The following NUDT18 variants were observed in gnomAD, a reference collection of about 807,000 sequenced individuals.
The protein encoded by NUDT18 is nudix hydrolase 18, also known as 8-oxo-dGDP phosphatase NUDT18.
In NUDT18, 26 loss-of-function variants were observed where a neutral mutation model predicts 27.6. The observed-to-expected ratio is 0.94, with a 90% CI of 0.69 to 1.31. The LOEUF (loss-of-function observed/expected upper bound fraction) is 1.31, where lower values mean the gene tolerates loss of function less well. Ranked by LOEUF, NUDT18 falls within the 50% of genes most tolerant of loss-of-function variation. NUDT18 has a pLI of 0.00. For missense variants in NUDT18, 450 were observed against 433.4 expected, an observed-to-expected ratio of 1.04 and a Z score of -0.34; for synonymous variants, 220 against 196.9, an observed-to-expected ratio of 1.12 and a Z score of -0.98.
intron 1 of NUDT18, among the ~76,000 whole-genome samples, chr8:22,108,895 A>C (rs548778874): frequency 1.2e-4 from 18 of 152,304 alleles, no homozygotes; most frequent in Non-Finnish European, 2.2e-4. Context: ...GCACTCCGCT[A>C]GACTCTGGGG....
chr8:22,108,600 G>C (rs1319168976), intron 1 of NUDT18, among the ~76,000 whole-genome samples: 2 of 152,264 alleles, frequency 1.3e-5, no homozygotes, highest in African/African-American at 2.4e-5. Context: ...AGGGGCTGGA[G>C]ATGAGGCCCC....
In NUDT18 at chr8:22,108,222, GCCT is replaced by G; in HGVS notation, c.284_286del (p.Glu95del). 3.8e-6 allele frequency: 6 copies of G among 1,596,476 alleles called. No homozygotes were observed. Among genetic ancestry groups the G allele is most frequent in the Non-Finnish European group, 5.1e-6 (6 of 1,172,336 alleles). ...TGTCTCGGGCTCACAGTGCAGCCCC[GCCT>G]CCTCCTTCACCTCCCGCTGCAGCGC... On this transcript the variant is annotated inframe_deletion, in exon 2 of 3. Coordinates refer to ENST00000611621, the MANE Select transcript of NUDT18 (RefSeq NM_024815.4).
At position 22,109,302 on chromosome 8, in the gene NUDT18, G is replaced by A; in HGVS notation, c.-2C>T. ...CCCCGCCAGGCCCTCCGAGGCCATC[G>A]GGTCCCCCGGGGGGCGGCGGGCCGG... On this transcript the variant is annotated 5_prime_UTR_variant, in exon 1 of 3. Coordinates refer to ENST00000611621, the MANE Select transcript of NUDT18 (RefSeq NM_024815.4). The A allele has an allele frequency of 7.4e-7, 1 of 1,347,838 alleles. No individual in the cohort carries two copies. The highest frequency in any genetic ancestry group is 9.4e-7 in the Non-Finnish European group (1 of 1,058,568). The allele number at this position is 1,347,838 out of a possible 1,614,324, so 83.5% of individuals were successfully genotyped here. A position where few individuals can be genotyped will look rare whatever the true frequency, so the allele number is the denominator to read the frequency against.
In NUDT18 at chr8:22,109,376, A is replaced by G. The variant is rs565265050; in HGVS notation, c.-76T>C. 9.2e-6 allele frequency: 12 copies of G among 1,307,262 alleles called. No individual in the cohort carries two copies. Among genetic ancestry groups the G allele is most frequent in the South Asian group, 2.0e-5 (1 of 51,164 alleles). 81.0% of individuals were successfully genotyped at this position (1,307,262 alleles called of 1,614,324 possible). On this transcript the variant is annotated 5_prime_UTR_variant, in exon 1 of 3. Coordinates refer to ENST00000611621, the MANE Select transcript of NUDT18 (RefSeq NM_024815.4). ...AGCCGCGGGCTAGAGTGCGCTGCGG[A>G]GCCCGCTCCCAGTCCCTGCGGCAGC... is the stretch of plus-strand genomic sequence containing the variant.
Position 22,108,171 on chromosome 8 carries a change from G to A in NUDT18, c.338C>T (p.Pro113Leu). 6.4e-7 allele frequency: 1 copy of A among 1,561,982 alleles called. No individual in the cohort carries two copies. Among genetic ancestry groups the A allele is most frequent in the East Asian group, 2.3e-5 (1 of 43,506 alleles). Residue 113 changes from proline to leucine, a missense_variant, in exon 2 of 3, where the codon CCC becomes CTC. By Grantham distance (98) the Pro-to-Leu change is moderately conservative. Transcript: ENST00000611621. ...ETLLSVEERG[P>L]SWVRFVFLAR... ...GAGGAACACGAAGCGGACCCAGGAGGGGCCCCGCTCCTCCACGGACAGCAG... is the reference window on the plus strand; with the variant it reads ...GAGGAACACGAAGCGGACCCAGGAGAGGCCCCGCTCCTCCACGGACAGCAG...
chr8:22,109,376 A>C lies in NUDT18; in HGVS notation c.-76T>G, dbSNP rs565265050. On this transcript the variant is annotated 5_prime_UTR_variant, in exon 1 of 3. Transcript: ENST00000611621. Reference sequence around the variant, plus strand: ...AGCCGCGGGCTAGAGTGCGCTGCGGAGCCCGCTCCCAGTCCCTGCGGCAGC... The same window carrying C: ...AGCCGCGGGCTAGAGTGCGCTGCGGCGCCCGCTCCCAGTCCCTGCGGCAGC... 39 of 1,307,218 alleles carry C rather than the reference A, an allele frequency of 3.0e-5. No homozygotes were observed. Among genetic ancestry groups the C allele is most frequent in the Non-Finnish European group, 3.5e-5 (36 of 1,024,288 alleles). 81.0% of individuals were successfully genotyped at this position (1,307,218 alleles called of 1,614,324 possible).
At position 22,109,369 on chromosome 8, in the gene NUDT18, G is replaced by GCTGCGGCGCCCGCTCCCAGTCC. The variant is rs1554579083; in HGVS notation, c.-70_-69insGGACTGGGAGCGGGCGCCGCAG. On this transcript the variant is annotated 5_prime_UTR_variant, in exon 1 of 3. Transcript: ENST00000611621. ...TGAGCCGAGCCGCGGGCTAGAGTGC[G>GCTGCGGCGCCCGCTCCCAGTCC]CTGCGGAGCCCGCTCCCAGTCCCTG... The GCTGCGGCGCCCGCTCCCAGTCC allele has an allele frequency of 1.4e-6, 1 of 712,746 alleles. No individual in the cohort carries two copies. The highest frequency in any genetic ancestry group is 1.8e-6 in the Non-Finnish European group (1 of 557,186). 44.2% of individuals were successfully genotyped at this position (712,746 alleles called of 1,614,324 possible). A position where few individuals can be genotyped will look rare whatever the true frequency, so the allele number is the denominator to read the frequency against.
In NUDT18 at chr8:22,109,305, T is replaced by A. The variant is rs751986907; in HGVS notation, c.-5A>T. The A allele has an allele frequency of 1.6e-5, 22 of 1,346,480 alleles. No individual in the cohort carries two copies. The highest frequency in any genetic ancestry group is 2.0e-5 in the Non-Finnish European group (21 of 1,057,754). The allele number at this position is 1,346,480 out of a possible 1,614,324, so 83.4% of individuals were successfully genotyped here. A position where few individuals can be genotyped will look rare whatever the true frequency, so the allele number is the denominator to read the frequency against. On this transcript the variant is annotated 5_prime_UTR_variant, in exon 1 of 3. Coordinates refer to ENST00000611621, the MANE Select transcript of NUDT18 (RefSeq NM_024815.4). ...CGCCAGGCCCTCCGAGGCCATCGGG[T>A]CCCCCGGGGGGCGGCGGGCCGGATC...
Position 22,109,352 on chromosome 8 carries a change from G to C in NUDT18, c.-52C>G, listed in dbSNP as rs573370055. 3 of 1,333,888 alleles carry C rather than the reference G, an allele frequency of 2.2e-6. No homozygotes were observed. The highest frequency in any genetic ancestry group is 2.9e-6 in the Non-Finnish European group (3 of 1,046,898). The allele number at this position is 1,333,888 out of a possible 1,614,324, so 82.6% of individuals were successfully genotyped here. A position where few individuals can be genotyped will look rare whatever the true frequency, so the allele number is the denominator to read the frequency against. On this transcript the variant is annotated 5_prime_UTR_variant, in exon 1 of 3. Transcript: ENST00000611621. Reference sequence around the variant, plus strand: ...GATCCTCGCAGACCGACTGAGCCGAGCCGCGGGCTAGAGTGCGCTGCGGAG... The same window carrying C: ...GATCCTCGCAGACCGACTGAGCCGACCCGCGGGCTAGAGTGCGCTGCGGAG...
chr8:22,108,425 C>G, intron 1 of NUDT18, 79 bp from the exon 2 acceptor site: 2 of 1,259,600 alleles, frequency 1.6e-6, no homozygotes, highest in Non-Finnish European at 2.2e-6. Flanking sequence ...AACACAGTCG[C>G]CCAAGACTCC....
In NUDT18 at chr8:22,108,125, G is replaced by A. The variant is rs1262255386; in HGVS notation, c.376+8C>T. 1.3e-6 allele frequency: 2 copies of A among 1,502,470 alleles called. No individual in the cohort carries two copies. The highest frequency in any genetic ancestry group is 2.7e-5 in the South Asian group (2 of 73,846). The allele number at this position is 1,502,470 out of a possible 1,614,324, so 93.1% of individuals were successfully genotyped here. A position where few individuals can be genotyped will look rare whatever the true frequency, so the allele number is the denominator to read the frequency against. On this transcript the variant is annotated splice_region_variant and intron_variant, in intron 2 of 2. Transcript: ENST00000611621. ...GCCCTGTTCACACTGCCTCCAGGTG[G>A]GCCATACCTGTGGGGCGAGCGAGGA...
At chr8:22,110,044 C>A (rs115757159), upstream of NUDT18, among the ~76,000 whole-genome samples, 666 of 134,662 alleles carry the variant, frequency 4.9e-3, 6 homozygotes, top group African/African-American at 0.017. Flanking sequence ...GAGTGACAGG[C>A]GCTGGAAGGA....
upstream of NUDT18, among the ~76,000 whole-genome samples, chr8:22,110,307 C>A (rs538379003): frequency 1.3e-5 from 2 of 152,384 alleles, no homozygotes; most frequent in African/African-American, 4.8e-5. Context: ...TGGCGAGCGC[C>A]TGCTCCTCTC....
intron 1 of NUDT18, among the ~76,000 whole-genome samples, chr8:22,108,928 C>G (rs7840124): frequency 0.51 from 77,656 of 152,134 alleles, 20,262 homozygotes; most frequent in Middle Eastern, 0.69. Context: ...GAGGCCTAGT[C>G]GGATGAGACA....
In NUDT18 at chr8:22,109,101, G is replaced by A; in HGVS notation, c.162+38C>T. On this transcript the variant is annotated intron_variant, in intron 1 of 2. Coordinates refer to ENST00000611621, the MANE Select transcript of NUDT18 (RefSeq NM_024815.4). ...CTGTCCCCACCTGGGCTGGCTGCGC[G>A]CTCCCGAGGCCCGGCGGGCCCGGGG... is the stretch of plus-strand genomic sequence containing the variant. 4 of 1,370,878 alleles carry A rather than the reference G, an allele frequency of 2.9e-6. No homozygotes were observed. The South Asian group carries it at 4.9e-5, about 17-fold the overall frequency. 84.9% of individuals were successfully genotyped at this position (1,370,878 alleles called of 1,614,324 possible). A position where few individuals can be genotyped will look rare whatever the true frequency, so the allele number is the denominator to read the frequency against.
rs746139736 is a variant in NUDT18, at chr8:22,107,300, C to CT, written c.971dup (p.Ter324=). ...QGSSVVPVNR[*] Reference sequence around the variant, plus strand: ...GCTCCCTGTCACCTCCCCCACCTCTCTATCTGTTCACTGGGACAACAGAGG... The same window carrying CT: ...GCTCCCTGTCACCTCCCCCACCTCTCTTATCTGTTCACTGGGACAACAGAGG... Residue 324 remains the stop codon, a frameshift_variant and stop_retained_variant, in exon 3 of 3, where the codon TAG becomes TAAG. Transcript: ENST00000611621. LOFTEE classifies it high-confidence loss of function. 16 of 1,590,014 alleles carry CT rather than the reference C, an allele frequency of 1.0e-5. No homozygotes were observed. The highest frequency in any genetic ancestry group is 8.1e-5 in the African/African-American group (6 of 74,470).
upstream of NUDT18, chr8:22,109,729 C>T (rs1826440014): frequency 2.2e-6 from 1 of 458,236 alleles, no homozygotes; most frequent in Non-Finnish European, 4.4e-6. Flanking sequence ...CGCGTTGCGC[C>T]GCCGGGGTAG....
Position 22,108,268 on chromosome 8 carries a change from C to T in NUDT18, c.241G>A (p.Gly81Arg), listed in dbSNP as rs775334705. The part of the protein sequence containing the change: ...WYLPAGRMEP[G>R]ETIVEALQRE... Reference sequence around the variant, plus strand: ...TGCAGCGCCTCCACGATGGTCTCCCCTGGCTCCATTCTCCCCGCAGGCAGG... The same window carrying T: ...TGCAGCGCCTCCACGATGGTCTCCCTTGGCTCCATTCTCCCCGCAGGCAGG... The change falls in exon 2 of 3, where the codon GGG (glycine) becomes AGG (arginine). Residue 81 changes from glycine to arginine, a missense_variant. Gly to Arg is a moderately radical substitution (Grantham distance 125). Coordinates refer to ENST00000611621, the MANE Select transcript of NUDT18 (RefSeq NM_024815.4). 3.8e-6 allele frequency: 6 copies of T among 1,597,528 alleles called. No homozygotes were observed. The highest frequency in any genetic ancestry group is 5.1e-6 in the Non-Finnish European group (6 of 1,172,988).
upstream of NUDT18, among the ~76,000 whole-genome samples, chr8:22,110,164 G>A (rs1211417796): frequency 6.6e-6 from 1 of 152,216 alleles, no homozygotes; most frequent in African/African-American, 2.4e-5. Context: ...TTCCCACGCA[G>A]CTCAAGGCCC....
Sources: gnomAD v4.1 joint callset for allele counts (sites outside exome capture counted in the v4.1 genomes callset) on GRCh38, gnomAD v4.1.1 for gene constraint, MANE v1.5 for transcripts, NCBI Gene and HGNC (gene_info 2026-07-23, HGNC 2026-07-21) for gene names.